PUS1: variants seen among roughly 807,000 people sequenced by gnomAD.
PUS1 encodes pseudouridylate synthase 1 homolog.
Under a neutral mutation model 38.5 loss-of-function variants are expected in PUS1, and 25 were observed. The ratio of observed to expected loss-of-function variants is 0.65; its 90% CI spans 0.47 to 0.91. PUS1 has a LOEUF of 0.91. PUS1 is among the 40% of genes least tolerant of loss of function. PUS1 has a pLI of 0.00. For missense variants in PUS1, 597 were observed against 612.3 expected, an observed-to-expected ratio of 0.97 and a Z score of 0.26; for synonymous variants, 282 against 260.4, an observed-to-expected ratio of 1.08 and a Z score of -0.80.
chr12:131,939,187 C>A lies in PUS1; in HGVS notation c.456C>A (p.Ala152=). Residue 152 remains alanine, a synonymous_variant, in exon 4 of 6, where the codon GCC becomes GCA. Coordinates refer to ENST00000376649, the MANE Select transcript of PUS1 (RefSeq NM_025215.6). The part of the protein sequence containing the change: ...CARTDKGVSA[A]GQVVSLKVWL... ...TTTGTTTACAGGGTGTGTCCGCAGC[C>A]GGCCAGGTGGTATCCCTGAAGGTGT... is the stretch of plus-strand genomic sequence containing the variant. 3 of 1,559,002 alleles carry A rather than the reference C, an allele frequency of 1.9e-6. No individual in the cohort carries two copies. The highest frequency in any genetic ancestry group is 2.6e-6 in the Non-Finnish European group (3 of 1,150,370).
In PUS1 at chr12:131,929,490, G is replaced by A; in HGVS notation, c.-233G>A. 1 of 452,338 alleles carries A rather than the reference G, an allele frequency of 2.2e-6. No homozygotes were observed. Among genetic ancestry groups the A allele is most frequent in the Non-Finnish European group, 3.9e-6 (1 of 256,582 alleles). The allele number at this position is 452,338 out of a possible 1,614,324, so 28.0% of individuals were successfully genotyped here. A position where few individuals can be genotyped will look rare whatever the true frequency, so the allele number is the denominator to read the frequency against. On this transcript the variant is annotated 5_prime_UTR_variant, in exon 1 of 6. Coordinates refer to ENST00000376649, the MANE Select transcript of PUS1 (RefSeq NM_025215.6). ...GGCAGTAGAGACGGGGCTTGGGCGC[G>A]GGGCCTGAGAGGTCAGGGGTCAGCA...
chr12:131,940,928 T>C (rs1233085634), intron 4 of PUS1: 2 of 261,182 alleles, frequency 7.7e-6, no homozygotes, highest in Non-Finnish European at 1.5e-5. Flanking sequence ...GAATTATGTG[T>C]GATATTTCCA....
intron 3 of PUS1, among the ~76,000 whole-genome samples, chr12:131,934,411 C>A (rs187750804): frequency 1.3e-5 from 2 of 152,168 alleles, no homozygotes; most frequent in South Asian, 4.1e-4. Flanking sequence ...CTTATCTGGG[C>A]GTGACAGGGG....
intron 3 of PUS1, chr12:131,932,627 A>G (rs150402079): frequency 8.8e-4 from 421 of 481,138 alleles, no homozygotes; most frequent in African/African-American, 7.7e-3. Flanking sequence ...CGACCCTCCA[A>G]TCAGGCTCAC....
Position 131,932,268 on chromosome 12 carries a change from G to A in PUS1, c.397G>A (p.Asp133Asn), listed in dbSNP as rs76655496. The A allele has an allele frequency of 9.3e-3, 14,938 of 1,614,078 alleles. 426 individuals are homozygous for A. Among genetic ancestry groups the A allele is most frequent in the South Asian group, 0.08 (7,323 of 91,080 alleles). ...CTGTATTCCTGAAAATCATGGTGAG[G>A]ACATGAGGAAAATGTCCTTCCAGCG... Reference protein sequence around the residue: ...SGCIPENHGEDMRKMSFQRCA... With the variant: ...SGCIPENHGENMRKMSFQRCA... The change falls in exon 3 of 6, where the codon GAC becomes AAC. Residue 133 changes from aspartate to asparagine, a missense_variant. By Grantham distance (23) the Asp-to-Asn change is conservative. Transcript: ENST00000376649.
chr12:131,941,246 G>A lies in PUS1; in HGVS notation c.545-46G>A, dbSNP rs1397025691. ...GCTCAGGCTGCTCCCTGGTCATCCA[G>A]GCACTTCTCACCTGCCTTTCTCCTC... On this transcript the variant is annotated intron_variant, in intron 4 of 5. Transcript: ENST00000376649. This position sits in a 1 kb window ranked among gnomAD's most constrained non-coding sequence, Gnocchi z 4.4. The A allele has an allele frequency of 4.5e-6, 7 of 1,549,156 alleles. No individual in the cohort carries two copies. In the African/African-American group the frequency reaches 5.5e-5, roughly 12 times the overall value.
chr12:131,932,188 C>T lies in PUS1; in HGVS notation c.317C>T (p.Ser106Phe), dbSNP rs1890631828. Residue 106 changes from serine (S) to phenylalanine (F), a missense_variant, in exon 3 of 6, where the codon TCC becomes TTC. Coordinates refer to ENST00000376649, the MANE Select transcript of PUS1 (RefSeq NM_025215.6). ...TCCTTTTTCCAGAGGAATGTCGGGT[C>T]CTCACAATTCAAAACAATTGAAGAT... ...GYHGMQRNVG[S>F]SQFKTIEDDL... The T allele has an allele frequency of 6.2e-7, 1 of 1,614,082 alleles. No homozygotes were observed. The highest frequency in any genetic ancestry group is 1.6e-4 in the Middle Eastern group (1 of 6,062).
chr12:131,937,677 G>GT (rs765036135), intron 3 of PUS1, among the ~76,000 whole-genome samples: 8 of 152,042 alleles, frequency 5.3e-5, no homozygotes, highest in Non-Finnish European at 7.4e-5. Context: ...CACTCCGCCC[G>GT]TTTTTTTGTT....
intron 3 of PUS1, chr12:131,932,846 G>A (rs185952619): frequency 3.3e-4 from 150 of 453,590 alleles, no homozygotes; most frequent in African/African-American, 2.6e-3. Context: ...GGGTGTATTA[G>A]TCTGTTGTCA....
intron 2 of PUS1, 135 bp from the exon 3 acceptor site, chr12:131,932,040 G>A (rs1890624063): frequency 1.3e-6 from 1 of 781,276 alleles, no homozygotes; most frequent in African/African-American, 1.7e-5. Context: ...CATGAGCGTG[G>A]CAGCTCACAC....
chr12:131,943,800 G>T lies in PUS1; in HGVS notation c.*214G>T, dbSNP rs145240480. ...GCATAGATGAACCTCAGCATGTAAA[G>T]AACTATTTTTTTAAAGAAGTGATTT... On this transcript the variant is annotated 3_prime_UTR_variant, in exon 6 of 6. Coordinates refer to ENST00000376649, the MANE Select transcript of PUS1 (RefSeq NM_025215.6). 2.1e-4 allele frequency: 115 copies of T among 553,136 alleles called. 1 individual carries two copies. The highest frequency in any genetic ancestry group is 2.0e-3 in the African/African-American group (108 of 52,850). The allele number at this position is 553,136 out of a possible 1,614,324, so 34.3% of individuals were successfully genotyped here. A position where few individuals can be genotyped will look rare whatever the true frequency, so the allele number is the denominator to read the frequency against.
intron 5 of PUS1, among the ~76,000 whole-genome samples, chr12:131,942,186 C>T (rs1473200351): frequency 6.6e-6 from 1 of 152,148 alleles, no homozygotes; most frequent in Admixed American, 6.5e-5. Context: ...GGGTGCTTTT[C>T]GACCCTGGGA....
intron 3 of PUS1, among the ~76,000 whole-genome samples, chr12:131,937,220 A>G (rs1036926520): frequency 1.3e-5 from 2 of 152,190 alleles, no homozygotes; most frequent in African/African-American, 4.8e-5. Context: ...AAAATTTCAT[A>G]CCTTCATAAA....
At chr12:131,939,894 G>A (rs1890991833) in intron 4 of PUS1, among the ~76,000 whole-genome samples, 1 of 152,114 alleles carries the variant, frequency 6.6e-6, no homozygotes, top group Non-Finnish European at 1.5e-5. Context: ...TCCTGCCTTG[G>A]CCTCCCAGAA....
Position 131,929,303 on chromosome 12 carries a change from A to C in PUS1, c.-420A>C. The C allele has an allele frequency of 5.3e-6, 1 of 189,878 alleles. No individual in the cohort carries two copies. 11.8% of individuals were successfully genotyped at this position (189,878 alleles called of 1,614,324 possible). ...TCAGCCGCGTCGCGAATGGGGCAGG[A>C]GCGAGCCTCTCTGGTCCCGACGCGG... On this transcript the variant is annotated 5_prime_UTR_variant, in exon 1 of 6. Transcript: ENST00000376649.
intron 4 of PUS1, 50 bp downstream of exon 4, chr12:131,939,325 C>T (rs947495982): frequency 8.4e-7 from 1 of 1,186,706 alleles, no homozygotes; most frequent in African/African-American, 1.5e-5. Flanking sequence ...GATGGTCTTG[C>T]AGAGACACGA....
In PUS1 at chr12:131,941,173, G is replaced by A. The variant is rs1891042588; in HGVS notation, c.545-119G>A. 1.2e-6 allele frequency: 1 copy of A among 854,130 alleles called. No individual in the cohort carries two copies. Among genetic ancestry groups the A allele is most frequent in the East Asian group, 2.7e-5 (1 of 37,614 alleles). 52.9% of individuals were successfully genotyped at this position (854,130 alleles called of 1,614,324 possible). On this transcript the variant is annotated intron_variant, in intron 4 of 5. Coordinates refer to ENST00000376649, the MANE Select transcript of PUS1 (RefSeq NM_025215.6). This position sits in a 1 kb window ranked among gnomAD's most constrained non-coding sequence, Gnocchi z 4.4. ...CTCCCCAGAGAAGCCGATGCTTGCT[G>A]GAGCTTGGTCGGTGCTCTGGGTAAG... is the stretch of plus-strand genomic sequence containing the variant.
rs930747232 is a variant in PUS1, at chr12:131,945,070, C to G, written c.*1484C>G. 1 of 152,322 alleles carries G rather than the reference C, an allele frequency of 6.6e-6. No individual in the cohort carries two copies. The highest frequency in any genetic ancestry group is 1.5e-5 in the Non-Finnish European group (1 of 68,072). 9.4% of individuals were successfully genotyped at this position (152,322 alleles called of 1,614,324 possible). A position where few individuals can be genotyped will look rare whatever the true frequency, so the allele number is the denominator to read the frequency against. On this transcript the variant is annotated 3_prime_UTR_variant, in exon 6 of 6. Coordinates refer to ENST00000376649, the MANE Select transcript of PUS1 (RefSeq NM_025215.6). ...AATGCACGAGTGCCTGATGCCCCAG[C>G]GGTGCACACAACTAATGCGCATGCG... is the stretch of plus-strand genomic sequence containing the variant.
In PUS1 at chr12:131,944,025, T is replaced by C; in HGVS notation, c.*439T>C. ...CACTTGGGAGGCTGAGGTGGGCAGA[T>C]CGCTTGAGTACAGGAGTTCCAGACC... is the stretch of plus-strand genomic sequence containing the variant. On this transcript the variant is annotated 3_prime_UTR_variant, in exon 6 of 6. Transcript: ENST00000376649. 4.1e-6 allele frequency: 1 copy of C among 242,802 alleles called. No homozygotes were observed. The highest frequency in any genetic ancestry group is 5.0e-5 in the Admixed American group (1 of 20,112). The allele number at this position is 242,802 out of a possible 1,614,324, so 15.0% of individuals were successfully genotyped here. A position where few individuals can be genotyped will look rare whatever the true frequency, so the allele number is the denominator to read the frequency against.
Sources: gnomAD v4.1 joint callset for allele counts (sites outside exome capture counted in the v4.1 genomes callset) on GRCh38, gnomAD v4.1.1 for gene constraint, Gnocchi (gnomAD v3.1) non-coding constraint, MANE v1.5 for transcripts, NCBI Gene and HGNC (gene_info 2026-07-23, HGNC 2026-07-21) for gene names.